Variants in IGBP1 observed in about 807,000 individuals in gnomAD.
The protein encoded by IGBP1 is immunoglobulin binding protein 1.
Under a neutral mutation model 25.9 loss-of-function variants are expected in IGBP1, and 2 were observed. The ratio of observed to expected loss-of-function variants is 0.08; its 90% CI spans 0.03 to 0.24. IGBP1 has a LOEUF of 0.24. Among genes scored for constraint, IGBP1 ranks in the 10% least tolerant of loss-of-function variants. IGBP1 has a pLI of 1.00. For missense variants in IGBP1, 187 were observed against 260.4 expected (o/e 0.72, Z 1.94); for synonymous variants, 96 against 93.4 (o/e 1.03, Z -0.16).
chrX:70,134,343 A>G (rs1422262936), intron 2 of IGBP1, among the ~76,000 whole-genome samples, 180 bp from the exon 3 acceptor site: 2 of 111,692 alleles, frequency 1.8e-5, no homozygotes, highest in African/African-American at 6.5e-5. Context: ...GCGTCTGCTG[A>G]TTGCATAGGC....
At chrX:70,150,435 T>G (rs771195562) in intron 6 of IGBP1, 113 bp downstream of exon 6, 1 of 530,166 alleles carries the variant, frequency 1.9e-6, no homozygotes, top group Non-Finnish European at 3.4e-6. Flanking sequence ...GGACAAAGAT[T>G]CTGAGTAATA....
rs1353412705 is a variant in IGBP1 at position 70,153,591 on chromosome X, A to G, written c.871+3269A>G. On this transcript the variant is annotated intron_variant, in intron 6 of 6. Coordinates refer to ENST00000356413, the MANE Select transcript of IGBP1 (RefSeq NM_001551.3). ...TCTCCTGTTTTATGTGAACCGATAC[A>G]TGTCTATTGCTGTATAACAAATTAC... is the stretch of plus-strand genomic sequence containing the variant. Among the ~76,000 whole-genome samples the G allele has an allele frequency of 6.2e-5, 7 of 112,585 alleles. No individual in the cohort carries two copies. The East Asian group carries it at 1.9e-3, about 31-fold the overall frequency.
At chrX:70,148,159 C>G (rs755515336) in intron 4 of IGBP1, among the ~76,000 whole-genome samples, 10 of 111,726 alleles carry the variant, frequency 9.0e-5, no homozygotes, top group African/African-American at 3.3e-4. Flanking sequence ...TGAAAGTGAT[C>G]GAGCTAGAAC....
At chrX:70,146,120 A>G (rs1202194141) in intron 3 of IGBP1, among the ~76,000 whole-genome samples, 1 of 112,107 alleles carries the variant, frequency 8.9e-6, no homozygotes, top group Non-Finnish European at 1.9e-5. Context: ...ATGAGTCTTC[A>G]GATGATAAAA....
Position 70,133,550 on chromosome X carries a change from G to C in IGBP1, c.-226+10G>C, listed in dbSNP as rs983387552. 2.8e-6 allele frequency: 1 copy of C among 360,021 alleles called. No homozygotes were observed. The highest frequency in any genetic ancestry group is 5.2e-5 in the Admixed American group (1 of 19,209). The allele number at this position is 360,021 out of a possible 1,213,427, so 29.7% of individuals were successfully genotyped here. On this transcript the variant is annotated intron_variant, in intron 1 of 6. Transcript: ENST00000356413. ...GGGAGCTACTCGCGAGGTAAGGGGC[G>C]CGCCAGACTGGCTCCTAAAACGCAC...
At chrX:70,160,318 G>A (rs1482389571) in intron 6 of IGBP1, among the ~76,000 whole-genome samples, 3 of 111,021 alleles carry the variant, frequency 2.7e-5, no homozygotes, top group South Asian at 3.8e-4. Flanking sequence ...TAAAATTTCC[G>A]AACTTTAAAG....
Position 70,134,664 on chromosome X carries a change from A to C in IGBP1, c.330A>C (p.Ile110=), listed in dbSNP as rs978437727. Residue 110 remains isoleucine (I), a synonymous_variant, in exon 3 of 7, where the codon ATA becomes ATC. Coordinates refer to ENST00000356413, the MANE Select transcript of IGBP1 (RefSeq NM_001551.3). The part of the protein sequence containing the change: ...DHLQRAREHF[I]NYLTQCHCYH... ...TGCAGCGGGCTCGAGAACACTTTAT[A>C]AACTACTTAACTCAGTGCCATTGCT... 4 of 1,210,539 alleles carry C rather than the reference A, an allele frequency of 3.3e-6. No individual in the cohort carries two copies. The African/African-American group carries it at 7.0e-5, about 21-fold the overall frequency.
At chrX:70,162,845 A>G (rs1028771215) in intron 6 of IGBP1, among the ~76,000 whole-genome samples, 2 of 106,743 alleles carry the variant, frequency 1.9e-5, no homozygotes, top group Non-Finnish European at 3.8e-5. Flanking sequence ...GTGGTGGCAC[A>G]TGCCTGTAAT....
chrX:70,163,546 TA>T (rs2085281594), intron 6 of IGBP1, among the ~76,000 whole-genome samples: 1 of 111,958 alleles, frequency 8.9e-6, no homozygotes, highest in Non-Finnish European at 1.9e-5. Context: ...TTTAAAAAGT[TA>T]AAATTAAGGG....
At position 70,156,657 on chromosome X, in the gene IGBP1, T is replaced by C. The variant is rs148122255; in HGVS notation, c.871+6335T>C. Among the ~76,000 whole-genome samples the C allele has an allele frequency of 9.6e-3, 1,084 of 112,489 alleles. 9 individuals are homozygous for C. Among genetic ancestry groups the C allele is most frequent in the African/African-American group, 0.033 (1,030 of 31,020 alleles). The stretch of plus-strand genomic sequence containing the variant: ...TATACAGCATGGTGACTATCGTTAA[T>C]GGCTGGGTGCGGTGGCTCACGCCTG... On this transcript the variant is annotated intron_variant, in intron 6 of 6. Transcript: ENST00000356413.
intron 6 of IGBP1, among the ~76,000 whole-genome samples, chrX:70,154,326 C>T (rs1602673202): frequency 9.4e-6 from 1 of 106,428 alleles, no homozygotes; most frequent in Admixed American, 1.0e-4. Context: ...CCCGCCTCGG[C>T]CTCCCAAAGT....
At position 70,133,777 on chromosome X, in the gene IGBP1, C is replaced by G. The variant is rs1350012468; in HGVS notation, c.-171C>G. ...TAAAATGAGTCTATGGAAACGGTTG[C>G]CAGGGCCGGCTAACAGCGGCTCCCG... On this transcript the variant is annotated 5_prime_UTR_variant, in exon 2 of 7. Coordinates refer to ENST00000356413, the MANE Select transcript of IGBP1 (RefSeq NM_001551.3). 2.2e-6 allele frequency: 1 copy of G among 462,682 alleles called. No individual in the cohort carries two copies. The allele number at this position is 462,682 out of a possible 1,213,427, so 38.1% of individuals were successfully genotyped here. A position where few individuals can be genotyped will look rare whatever the true frequency, so the allele number is the denominator to read the frequency against.
At chrX:70,142,255 TGA>T (rs1393290771) in intron 3 of IGBP1, among the ~76,000 whole-genome samples, 1 of 111,368 alleles carries the variant, frequency 9.0e-6, no homozygotes, top group Admixed American at 9.5e-5. Context: ...GGCTTGAGTC[TGA>T]GAGGTTGAGG....
chrX:70,163,154 T>C (rs2085279883), intron 6 of IGBP1, among the ~76,000 whole-genome samples: 1 of 110,890 alleles, frequency 9.0e-6, no homozygotes, highest in Admixed American at 9.7e-5. Context: ...ACTACAGCCA[T>C]GCACTACCAT....
chrX:70,163,216 A>G (rs1331484385), intron 6 of IGBP1, among the ~76,000 whole-genome samples: 3 of 109,470 alleles, frequency 2.7e-5, no homozygotes, highest in African/African-American at 9.9e-5. Context: ...TTGAGCCAAT[A>G]TAAGTGTCAT....
intron 3 of IGBP1, among the ~76,000 whole-genome samples, chrX:70,145,888 A>G (rs1165897674): frequency 1.8e-5 from 2 of 112,090 alleles, no homozygotes; most frequent in African/African-American, 6.5e-5. Flanking sequence ...TATGCATTTG[A>G]CCTTACTTTT....
At chrX:70,162,866 C>T (rs979441553) in intron 6 of IGBP1, among the ~76,000 whole-genome samples, 1 of 100,840 alleles carries the variant, frequency 9.9e-6, no homozygotes, top group Admixed American at 1.0e-4. Context: ...GCCAGCCACT[C>T]GGGAGGATGA....
At chrX:70,148,574 C>G in intron 4 of IGBP1, 187 bp from the exon 5 acceptor site, 2 of 440,461 alleles carry the variant, frequency 4.5e-6, no homozygotes, top group Non-Finnish European at 8.1e-6. Flanking sequence ...GCAAGGTACT[C>G]AGGCCCCCTC....
chrX:70,156,301 A>T (rs1340766955), intron 6 of IGBP1, among the ~76,000 whole-genome samples: 1 of 109,506 alleles, frequency 9.1e-6, no homozygotes, highest in Non-Finnish European at 1.9e-5. Context: ...AAAAAAAAAA[A>T]AAAAAAAAGT....
Sources: gnomAD v4.1 joint callset for allele counts (sites outside exome capture counted in the v4.1 genomes callset) on GRCh38, gnomAD v4.1.1 for gene constraint, MANE v1.5 for transcripts, NCBI Gene and HGNC (gene_info 2026-07-23, HGNC 2026-07-21) for gene names.